Variants in KIAA0319 observed in about 807,000 individuals in gnomAD.
The protein encoded by KIAA0319 is dyslexia-associated protein KIAA0319.
KIAA0319 carries 83 observed loss-of-function variants against 108.4 expected under a neutral mutation model. That is an observed-to-expected ratio of 0.77 (90% confidence interval 0.64 to 0.92). The LOEUF (loss-of-function observed/expected upper bound fraction) is 0.92. Ranked by LOEUF, KIAA0319 falls within the 40% of genes least tolerant of loss-of-function variation. KIAA0319 has a pLI of 0.00. For synonymous variants in KIAA0319, 484 were observed against 510.4 expected (o/e 0.95, Z 0.70); for missense variants, 1,195 against 1,322.4 (o/e 0.90, Z 1.49).
At chr6:24,580,404 T>G (rs1014890257) in intron 7 of KIAA0319, among the ~76,000 whole-genome samples, 6 of 149,634 alleles carry the variant, frequency 4.0e-5, no homozygotes, top group African/African-American at 1.2e-4. Flanking sequence ...TCACCTTGAT[T>G]GGGTCGGTTG....
chr6:24,597,933 A>AC lies in KIAA0319; in HGVS notation c.56-1316_56-1315insG, dbSNP rs1192997591. On this transcript the variant is annotated intron_variant, in intron 2 of 20. Coordinates refer to ENST00000378214, the MANE Select transcript of KIAA0319 (RefSeq NM_014809.4). ...ACCCTATCTCAAAAAAAAAAAAAAAAAAAAAAAAAAAAAAAAACCACCTAG... is the reference window on the plus strand; with the variant it reads ...ACCCTATCTCAAAAAAAAAAAAAAAACAAAAAAAAAAAAAAAAACCACCTAG... 6.7e-4 allele frequency: 103 copies of AC among 153,102 alleles called. 2 individuals are homozygous for AC. The highest frequency in any genetic ancestry group is 2.1e-3 in the Admixed American group (31 of 14,936). The allele number at this position is 153,102 out of a possible 1,614,324, so 9.5% of individuals were successfully genotyped here.
intron 1 of KIAA0319, among the ~76,000 whole-genome samples, chr6:24,641,260 A>T (rs1368043855): frequency 6.6e-6 from 1 of 152,248 alleles, no homozygotes; most frequent in Non-Finnish European, 1.5e-5. Context: ...GCTGAGTAAC[A>T]TTCTATTGTG....
intron 1 of KIAA0319, among the ~76,000 whole-genome samples, chr6:24,604,236 T>G (rs1012923512): frequency 1.3e-5 from 2 of 152,184 alleles, no homozygotes; most frequent in African/African-American, 4.8e-5. Context: ...GAGGAAAGTA[T>G]GTTAGAGATG....
intron 9 of KIAA0319, among the ~76,000 whole-genome samples, chr6:24,577,290 GC>G (rs1000061878): frequency 6.6e-6 from 1 of 152,182 alleles, no homozygotes; most frequent in Non-Finnish European, 1.5e-5. Flanking sequence ...TGCAGAGACA[GC>G]AAATCACTCC....
At position 24,556,629 on chromosome 6, in the gene KIAA0319, G is replaced by A; in HGVS notation, c.2835C>T (p.Ile945=). 1.2e-6 allele frequency: 2 copies of A among 1,613,970 alleles called. No homozygotes were observed. The highest frequency in any genetic ancestry group is 1.7e-6 in the Non-Finnish European group (2 of 1,179,940). The change falls in exon 18 of 21, where the codon ATC becomes ATT. Residue 945 remains isoleucine, a synonymous_variant. Transcript: ENST00000378214. ...CACCACAGTTGCTCTCTCCATCCCA[G>A]ATATAACGCTGTATAAGGTTCTCCA... The part of the protein sequence containing the change: ...LWMENLIQRY[I]WDGESNCEWS...
chr6:24,586,171 G>T (rs761134070), intron 4 of KIAA0319, among the ~76,000 whole-genome samples: 20 of 152,212 alleles, frequency 1.3e-4, no homozygotes, highest in Admixed American at 2.6e-4. Context: ...TCACTGGTGA[G>T]TCCTTAACCT....
intron 2 of KIAA0319, 61 bp downstream of exon 2, chr6:24,600,988 G>T: frequency 8.7e-6 from 14 of 1,601,596 alleles, no homozygotes; most frequent in Non-Finnish European, 1.2e-5. Context: ...GATCTGAGTT[G>T]CTTACACTAG....
intron 17 of KIAA0319, among the ~76,000 whole-genome samples, chr6:24,558,311 A>G (rs984409326): frequency 6.6e-6 from 1 of 152,070 alleles, no homozygotes; most frequent in Non-Finnish European, 1.5e-5. Context: ...ATTAAAAATT[A>G]AGTTACTCCA....
chr6:24,583,285 G>T, intron 5 of KIAA0319: 4 of 988,896 alleles, frequency 4.0e-6, no homozygotes, highest in Non-Finnish European at 4.9e-6. Context: ...ATCTTCCCAG[G>T]TTCTATGGGT....
chr6:24,547,489 G>C (rs747911663), intron 20 of KIAA0319, 146 bp from the exon 21 acceptor site: 4 of 659,730 alleles, frequency 6.1e-6, no homozygotes, highest in Non-Finnish European at 7.6e-6. Context: ...GGCGGTTTGG[G>C]TTTCCTAGCA....
At chr6:24,594,159 A>ACTGCACTC (rs1768997711) in intron 3 of KIAA0319, among the ~76,000 whole-genome samples, 1 of 127,238 alleles carries the variant, frequency 7.9e-6, no homozygotes, top group Non-Finnish European at 1.6e-5. Context: ...AGACCATGCC[A>ACTGCACTC]CTGCACTCCA....
Position 24,563,423 on chromosome 6 carries a change from C to G in KIAA0319, c.2527G>C (p.Val843Leu). The G allele has an allele frequency of 1.9e-6, 3 of 1,613,902 alleles. No individual in the cohort carries two copies. Among genetic ancestry groups the G allele is most frequent in the Non-Finnish European group, 2.5e-6 (3 of 1,179,948 alleles). The change falls in exon 16 of 21, where the codon GTG becomes CTG. Residue 843 changes from valine to leucine, a missense_variant. By Grantham distance (32) the Val-to-Leu change is conservative (BLOSUM62 1). Transcript: ENST00000378214. ...RKDTLVRQLA[V>L]LLNVLDSDIK... ...TCCGAGTCCAGCACGTTCAGCAGCA[C>G]AGCCAGCTGCCTCACAAGGGTGTCC...
chr6:24,593,162 C>CT (rs1183721850), intron 3 of KIAA0319, among the ~76,000 whole-genome samples: 10 of 152,040 alleles, frequency 6.6e-5, no homozygotes, highest in Non-Finnish European at 8.8e-5. Context: ...TCTGCTAGAG[C>CT]TTCAACTGAA....
chr6:24,544,573 T>G lies in KIAA0319; in HGVS notation c.*2592A>C, dbSNP rs937119769. The G allele has an allele frequency of 1.3e-5, 2 of 152,198 alleles. No homozygotes were observed. Among genetic ancestry groups the G allele is most frequent in the African/African-American group, 4.8e-5 (2 of 41,442 alleles). 9.4% of individuals were successfully genotyped at this position (152,198 alleles called of 1,614,324 possible). A position where few individuals can be genotyped will look rare whatever the true frequency, so the allele number is the denominator to read the frequency against. On this transcript the variant is annotated 3_prime_UTR_variant, in exon 21 of 21. Transcript: ENST00000378214. ...ATTTTCTTACCTTGCTGCATGTTTT[T>G]CAGATAGTTCCTTAGTCATACACAT... is the stretch of plus-strand genomic sequence containing the variant.
chr6:24,609,504 G>A (rs567595537), intron 1 of KIAA0319, among the ~76,000 whole-genome samples: 1 of 150,724 alleles, frequency 6.6e-6, no homozygotes, highest in African/African-American at 2.4e-5. Flanking sequence ...TTGAACCCGG[G>A]AGAGGAGGTT....
Position 24,550,443 on chromosome 6 carries a change from C to T in KIAA0319, c.3040+991G>A, listed in dbSNP as rs532205647. On this transcript the variant is annotated intron_variant, in intron 20 of 20. Coordinates refer to ENST00000378214, the MANE Select transcript of KIAA0319 (RefSeq NM_014809.4). The stretch of plus-strand genomic sequence containing the variant: ...CAGAATTATGGAAAATCTATAGAAT[C>T]GGTGTTTAGCAGCCTCAGAGGGCCA... 3.9e-5 allele frequency among the ~76,000 whole-genome samples: 6 copies of T among 152,282 alleles called. No individual in the cohort carries two copies. In the East Asian group the frequency reaches 5.8e-4, roughly 15 times the overall value.
chr6:24,582,786 A>G (rs1766811612), intron 5 of KIAA0319, among the ~76,000 whole-genome samples: 1 of 152,120 alleles, frequency 6.6e-6, no homozygotes, highest in African/African-American at 2.4e-5. Context: ...TTTTTAACAA[A>G]AGGCAAGGAG....
At chr6:24,593,386 CTTTT>C (rs58826962) in intron 3 of KIAA0319, among the ~76,000 whole-genome samples, 42 of 79,372 alleles carry the variant, frequency 5.3e-4, no homozygotes, top group African/African-American at 1.8e-3. Context: ...GAATAATTAT[CTTTT>C]TTTTTTTTTT....
intron 1 of KIAA0319, among the ~76,000 whole-genome samples, chr6:24,625,999 T>C (rs1205847929): frequency 1.3e-5 from 2 of 152,124 alleles, no homozygotes; most frequent in Non-Finnish European, 2.9e-5. Context: ...ATCTATCCGG[T>C]GGAATATTAT....
Sources: allele counts gnomAD v4.1 joint callset (sites outside exome capture counted in the v4.1 genomes callset), GRCh38; gene constraint gnomAD v4.1.1; transcripts MANE v1.5; gene names NCBI Gene and HGNC (gene_info 2026-07-23, HGNC 2026-07-21).